MBNL2: variants seen among roughly 807,000 people sequenced by gnomAD.
MBNL2 encodes muscleblind-like protein 2.
MBNL2 carries 17 observed loss-of-function variants against 41.9 expected under a neutral mutation model. That is an observed-to-expected ratio of 0.41 (90% CI 0.28 to 0.61). The LOEUF (loss-of-function observed/expected upper bound fraction) is 0.61. Ranked by LOEUF, MBNL2 falls within the 20% of genes least tolerant of loss-of-function variation. The pLI is 0.35. For synonymous variants in MBNL2, 195 were observed against 182.9 expected (o/e 1.07, Z -0.53); for missense variants, 336 against 505.6 (o/e 0.66, Z 3.22).
At chr13:97,224,390 C>CG (rs1237738735) in intron 1 of MBNL2, among the ~76,000 whole-genome samples, 1 of 152,044 alleles carries the variant, frequency 6.6e-6, no homozygotes, top group Non-Finnish European at 1.5e-5. Flanking sequence ...CAGGTGGCAA[C>CG]CTTGGTCACA....
chr13:97,315,512 T>C (rs1420237206), intron 2 of MBNL2, among the ~76,000 whole-genome samples: 2 of 152,044 alleles, frequency 1.3e-5, no homozygotes, highest in Non-Finnish European at 2.9e-5. Context: ...GCATTAGGGG[T>C]TAAGTGCTGC....
rs1427187594 is a variant in MBNL2 at position 97,346,224 on chromosome 13, TGATA to T, written c.541-576_541-573del. On this transcript the variant is annotated intron_variant, in intron 4 of 8. Transcript: ENST00000679496. The surrounding 1 kb of genome is among the most constrained non-coding windows in gnomAD (Gnocchi z 4.2). ...TTGCAGTTTTTACCATTAAAAATAA[TGATA>T]GATTAACAGATAATAGATGGATGGA... Among the ~76,000 whole-genome samples the T allele has an allele frequency of 2.0e-5, 3 of 150,720 alleles. No homozygotes were observed. The highest frequency in any genetic ancestry group is 7.4e-5 in the African/African-American group (3 of 40,388).
chr13:97,262,758 G>A (rs529422826), intron 1 of MBNL2, among the ~76,000 whole-genome samples: 19 of 151,010 alleles, frequency 1.3e-4, no homozygotes, highest in Non-Finnish European at 2.2e-4. Flanking sequence ...GTCCTCCCTC[G>A]CTTTTTTTTT....
At chr13:97,154,110 A>T in the MBNL2 span, among the ~76,000 whole-genome samples, 1,115 of 152,296 alleles carry the variant, frequency 7.3e-3, 5 homozygotes, top group Middle Eastern at 0.02. Flanking sequence ...TCTGTCTAAC[A>T]TGTCTAGAAG....
intron 7 of MBNL2, among the ~76,000 whole-genome samples, chr13:97,358,212 T>C (rs1403608649): frequency 6.6e-6 from 1 of 152,216 alleles, no homozygotes; most frequent in East Asian, 1.9e-4. Context: ...GCATTAACTA[T>C]GATTCCACTA....
chr13:97,223,936 T>C (rs1266941871), intron 1 of MBNL2, among the ~76,000 whole-genome samples: 1 of 152,242 alleles, frequency 6.6e-6, no homozygotes, highest in Non-Finnish European at 1.5e-5. Flanking sequence ...AATATTTCTT[T>C]ATGTCCTGGC....
chr13:97,306,383 G>C (rs1445993127), intron 2 of MBNL2, among the ~76,000 whole-genome samples: 1 of 152,170 alleles, frequency 6.6e-6, no homozygotes, highest in African/African-American at 2.4e-5. Context: ...TATTTGACAC[G>C]GTTGAGCACT....
intron 8 of MBNL2, among the ~76,000 whole-genome samples, chr13:97,371,983 A>G (rs2064429390): frequency 6.6e-6 from 1 of 152,174 alleles, no homozygotes; most frequent in Non-Finnish European, 1.5e-5. Flanking sequence ...ACTCAGAGCC[A>G]CAAAAGCTCA....
chr13:97,224,970 T>C (rs921176567), intron 1 of MBNL2, among the ~76,000 whole-genome samples: 1 of 152,256 alleles, frequency 6.6e-6, no homozygotes, highest in African/African-American at 2.4e-5. Context: ...GTTTTTCCTT[T>C]GACTTTTGTG....
rs2063818375 is a variant in MBNL2 at position 97,366,050 on chromosome 13, C to CAG, written c.1048+882_1048+883dup. On this transcript the variant is annotated intron_variant, in intron 8 of 8. Transcript: ENST00000679496. The surrounding 1 kb of genome is among the most constrained non-coding windows in gnomAD (Gnocchi z 4.7). ...TCTCCATATGGAGACTTGGATGTCT[C>CAG]AGAGTTTATGATTAAAAGTGATGAT... Among the ~76,000 whole-genome samples, 1 of 152,130 alleles carries CAG rather than the reference C, an allele frequency of 6.6e-6. No individual in the cohort carries two copies. Among genetic ancestry groups the CAG allele is most frequent in the African/African-American group, 2.4e-5 (1 of 41,428 alleles).
the MBNL2 span, among the ~76,000 whole-genome samples, chr13:97,189,342 TA>T: frequency 6.6e-6 from 1 of 152,036 alleles, no homozygotes; most frequent in African/African-American, 2.4e-5. Flanking sequence ...TGGAAATCAG[TA>T]AATGCCTATT....
At chr13:97,277,533 C>G (rs370767493) in intron 2 of MBNL2, among the ~76,000 whole-genome samples, 138 of 152,178 alleles carry the variant, frequency 9.1e-4, no homozygotes, top group African/African-American at 3.1e-3. Context: ...ATAATTTTGT[C>G]TTAAGTAAAA....
chr13:97,184,231 A>G, the MBNL2 span, among the ~76,000 whole-genome samples: 625 of 152,330 alleles, frequency 4.1e-3, 1 homozygote, highest in South Asian at 0.01. Flanking sequence ...AGGAAATTCT[A>G]AAGTGTGCAT....
chr13:97,155,604 A>T, the MBNL2 span, among the ~76,000 whole-genome samples: 3,145 of 142,316 alleles, frequency 0.022, 99 homozygotes, highest in African/African-American at 0.078. Context: ...TGTCCATGTG[A>T]TCTGATTGTT....
chr13:97,170,821 T>G, the MBNL2 span, among the ~76,000 whole-genome samples: 1 of 152,206 alleles, frequency 6.6e-6, no homozygotes. Context: ...TTCAGGCTCC[T>G]CTCCTCTCCC....
upstream of MBNL2, among the ~76,000 whole-genome samples, chr13:97,220,315 T>C (rs1328095068): frequency 5.3e-5 from 8 of 152,224 alleles, no homozygotes; most frequent in Non-Finnish European, 1.0e-4. Context: ...GACTACATTG[T>C]TAAGGGTTTC....
the MBNL2 span, among the ~76,000 whole-genome samples, chr13:97,191,486 C>T: frequency 6.6e-6 from 1 of 151,886 alleles, no homozygotes; most frequent in Non-Finnish European, 1.5e-5. Flanking sequence ...ACAAGGACCC[C>T]GTCTTTAGCT....
At chr13:97,215,251 T>C in the MBNL2 span, among the ~76,000 whole-genome samples, 1 of 152,214 alleles carries the variant, frequency 6.6e-6, no homozygotes, top group African/African-American at 2.4e-5. Flanking sequence ...GGCCAAACTA[T>C]TGGGACTTTT....
chr13:97,236,069 G>A (rs1347542682), intron 1 of MBNL2, among the ~76,000 whole-genome samples: 1 of 152,200 alleles, frequency 6.6e-6, no homozygotes, highest in Non-Finnish European at 1.5e-5. Context: ...AAAATGGCAT[G>A]TCGCTGGAAG....
Sources: gnomAD v4.1 joint callset for allele counts (sites outside exome capture counted in the v4.1 genomes callset) on GRCh38, gnomAD v4.1.1 for gene constraint, Gnocchi (gnomAD v3.1) non-coding constraint, MANE v1.5 for transcripts, NCBI Gene and HGNC (gene_info 2026-07-23, HGNC 2026-07-21) for gene names.